Variants in GRIN1 observed in about 807,000 individuals in gnomAD.
GRIN1 encodes the protein glutamate receptor ionotropic, NMDA 1.
GRIN1 carries 38 observed loss-of-function variants against 103.0 expected under a neutral mutation model. The ratio of observed to expected loss-of-function variants is 0.37; its 90% CI spans 0.28 to 0.48. The LOEUF is 0.48. Ranked by LOEUF, GRIN1 falls within the 20% of genes least tolerant of loss-of-function variation. The pLI, the probability that GRIN1 is intolerant of heterozygous loss-of-function variation, is 0.98. For synonymous variants in GRIN1, 544 were observed against 532.7 expected, an observed-to-expected ratio of 1.02 and a Z score of -0.29; for missense variants, 577 against 1,288.9, an observed-to-expected ratio of 0.45 and a Z score of 8.46.
chr9:137,159,949 C>T (rs1292150258), intron 8 of GRIN1, among the ~76,000 whole-genome samples: 2 of 152,172 alleles, frequency 1.3e-5, no homozygotes, highest in African/African-American at 4.8e-5. Context: ...TGCCCTCAGG[C>T]ACCTGCTTGA....
intron 4 of GRIN1, among the ~76,000 whole-genome samples, chr9:137,155,719 G>T (rs1010781562): frequency 6.6e-6 from 1 of 152,204 alleles, no homozygotes; most frequent in Non-Finnish European, 1.5e-5. Flanking sequence ...AGGTCTCCAG[G>T]TCCTTGTCAT....
intron 10 of GRIN1, among the ~76,000 whole-genome samples, chr9:137,161,716 G>A (rs1226018579): frequency 6.7e-6 from 1 of 148,498 alleles, no homozygotes; most frequent in Non-Finnish European, 1.5e-5. Context: ...CGTGGAGTGG[G>A]CGGGGCCTGC....
chr9:137,167,729 G>T lies in GRIN1; in HGVS notation c.*202G>T. 1 of 1,610,354 alleles carries T rather than the reference G, an allele frequency of 6.2e-7. No individual in the cohort carries two copies. Among genetic ancestry groups the T allele is most frequent in the South Asian group, 1.1e-5 (1 of 91,020 alleles). Reference sequence around the variant, plus strand: ...CGTCCCGGCCCCGCGCGTGCCCCCAGCGTGGGGCTAACGGGCGCCTTGTCT... The same window carrying T: ...CGTCCCGGCCCCGCGCGTGCCCCCATCGTGGGGCTAACGGGCGCCTTGTCT... On this transcript the variant is annotated 3_prime_UTR_variant, in exon 20 of 20. Coordinates refer to ENST00000371561, the MANE Select transcript of GRIN1 (RefSeq NM_007327.4).
chr9:137,168,634 G>T lies in GRIN1; in HGVS notation c.*1107G>T. On this transcript the variant is annotated 3_prime_UTR_variant, in exon 20 of 20. Coordinates refer to ENST00000371561, the MANE Select transcript of GRIN1 (RefSeq NM_007327.4). ...CAGCACTCCCAGGGCCCGAGCGCGT[G>T]CCTTCCCCGTGCGGCCCGTGCGCAG... 2.9e-6 allele frequency: 1 copy of T among 342,116 alleles called. No individual in the cohort carries two copies. The highest frequency in any genetic ancestry group is 5.2e-6 in the Non-Finnish European group (1 of 193,816). 21.2% of individuals were successfully genotyped at this position (342,116 alleles called of 1,614,324 possible). A position where few individuals can be genotyped will look rare whatever the true frequency, so the allele number is the denominator to read the frequency against.
At chr9:137,144,376 C>A (rs367702689) in intron 2 of GRIN1, among the ~76,000 whole-genome samples, 9 of 146,348 alleles carry the variant, frequency 6.1e-5, no homozygotes, top group Non-Finnish European at 9.0e-5. Flanking sequence ...CCAGGTTGGC[C>A]GGGCGCGGTG....
In GRIN1 at chr9:137,156,693, C is replaced by T. The variant is rs200390848; in HGVS notation, c.696C>T (p.Tyr232=). 136 of 1,596,844 alleles carry T rather than the reference C, an allele frequency of 8.5e-5. No individual in the cohort carries two copies. The highest frequency in any genetic ancestry group is 1.1e-4 in the Non-Finnish European group (126 of 1,172,838). Residue 232 remains tyrosine (Y), a synonymous_variant, in exon 5 of 20, where the codon TAC becomes TAT. Transcript: ENST00000371561. The stretch of plus-strand genomic sequence containing the variant: ...GCGAGGACGATGCTGCCACTGTATA[C>T]CGCGCAGCCGCGATGCTGAACATGA... ...SASEDDAATV[Y]RAAAMLNMTG...
rs1232836930 is a variant in GRIN1, at chr9:137,168,337, G to A, written c.*810G>A. The A allele has an allele frequency of 5.3e-6, 1 of 187,944 alleles. No individual in the cohort carries two copies. Among genetic ancestry groups the A allele is most frequent in the Non-Finnish European group, 1.1e-5 (1 of 92,488 alleles). 11.6% of individuals were successfully genotyped at this position (187,944 alleles called of 1,614,324 possible). ...CGTCTGCCCCTTGACCCCACACGCC[G>A]GGGCTGGCCCTGCCCTCCCCCACGG... On this transcript the variant is annotated 3_prime_UTR_variant, in exon 20 of 20. Coordinates refer to ENST00000371561, the MANE Select transcript of GRIN1 (RefSeq NM_007327.4).
At chr9:137,164,922 G>A (rs1373238854) in intron 18 of GRIN1, 2 of 483,598 alleles carry the variant, frequency 4.1e-6, no homozygotes, top group South Asian at 2.0e-5. Flanking sequence ...AGGAGCCAGG[G>A]AGCCAGGCGG....
chr9:137,157,854 G>C (rs1313503873), intron 6 of GRIN1, among the ~76,000 whole-genome samples: 1 of 152,160 alleles, frequency 6.6e-6, no homozygotes, highest in African/African-American at 2.4e-5. Flanking sequence ...TCAGGCACAT[G>C]ACACACATGT....
At chr9:137,150,819 A>G (rs1461595142) in intron 4 of GRIN1, among the ~76,000 whole-genome samples, 7 of 132,146 alleles carry the variant, frequency 5.3e-5, no homozygotes, top group South Asian at 2.8e-4. Flanking sequence ...CCCCGCCCAG[A>G]AAAGACCCGC....
intron 8 of GRIN1, among the ~76,000 whole-genome samples, chr9:137,160,518 C>T (rs1030775108): frequency 6.6e-6 from 1 of 152,182 alleles, no homozygotes; most frequent in Admixed American, 6.5e-5. Context: ...CAAGCTCCGC[C>T]TCCCGGGTTC....
At position 137,139,520 on chromosome 9, in the gene GRIN1, C is replaced by T; in HGVS notation, c.34C>T (p.Leu12=). Residue 12 remains leucine, a synonymous_variant, in exon 1 of 20, where the codon CTG becomes TTG. Coordinates refer to ENST00000371561, the MANE Select transcript of GRIN1 (RefSeq NM_007327.4). This position sits in a 1 kb window ranked among gnomAD's most constrained non-coding sequence, Gnocchi z 7.7. ...STMRLLTLAL[L]FSCSVARAAC... ...CATGCGCCTGCTGACGCTCGCCCTG[C>T]TGTTCTCCTGCTCCGTCGCCCGTGC... 6.2e-7 allele frequency: 1 copy of T among 1,605,456 alleles called. No individual in the cohort carries two copies. The highest frequency in any genetic ancestry group is 1.7e-4 in the Middle Eastern group (1 of 6,040).
chr9:137,148,978 C>A (rs1411873710), intron 3 of GRIN1, 31 bp from the exon 4 acceptor site: 2 of 1,517,450 alleles, frequency 1.3e-6, no homozygotes, highest in South Asian at 1.2e-5. Context: ...CCTGCCCCAG[C>A]CGCCTGCTAA....
chr9:137,141,418 TC>T (rs1832155395), intron 1 of GRIN1, among the ~76,000 whole-genome samples: 1 of 152,138 alleles, frequency 6.6e-6, no homozygotes, highest in African/African-American at 2.4e-5. Flanking sequence ...CCCCAATGCC[TC>T]CCTTCCCTTC....
At chr9:137,144,608 T>TCGCGGCCAC (rs577341720) in intron 2 of GRIN1, among the ~76,000 whole-genome samples, 18 of 148,648 alleles carry the variant, frequency 1.2e-4, no homozygotes, top group African/African-American at 4.5e-4. Context: ...TGAGCCGAGA[T>TCGCGGCCAC]TGCACTCCAG....
chr9:137,141,855 G>T (rs1267226959), intron 1 of GRIN1, among the ~76,000 whole-genome samples, 158 bp from the exon 2 acceptor site: 4 of 152,176 alleles, frequency 2.6e-5, no homozygotes, highest in Non-Finnish European at 5.9e-5. Flanking sequence ...CTGTGGGCAT[G>T]TGTGCATCTG....
chr9:137,167,665 C>T lies in GRIN1; in HGVS notation c.*138C>T. The T allele has an allele frequency of 1.3e-6, 2 of 1,527,114 alleles. No homozygotes were observed. The highest frequency in any genetic ancestry group is 2.4e-5 in the East Asian group (1 of 40,836). 94.6% of individuals were successfully genotyped at this position (1,527,114 alleles called of 1,614,324 possible). On this transcript the variant is annotated 3_prime_UTR_variant, in exon 20 of 20. Transcript: ENST00000371561. ...CACCCCCAGCCTCCCCCAGGCTGCG[C>T]CTGCCCGCCCGCCGGTTGGCCGGCT...
chr9:137,146,163 C>T lies in GRIN1; in HGVS notation c.570+261C>T, dbSNP rs1057104785. On this transcript the variant is annotated intron_variant, in intron 3 of 19. Coordinates refer to ENST00000371561, the MANE Select transcript of GRIN1 (RefSeq NM_007327.4). The surrounding 1 kb of genome is among the most constrained non-coding windows in gnomAD (Gnocchi z 6.7). ...CCGCAAACACCCCTGCCCCGCGCTG[C>T]CGAGCGCCCTCGTCCCCTCCTCCTG... Among the ~76,000 whole-genome samples, 15 of 152,122 alleles carry T rather than the reference C, an allele frequency of 9.9e-5. No homozygotes were observed. The highest frequency in any genetic ancestry group is 1.6e-4 in the Non-Finnish European group (11 of 67,988).
In GRIN1 at chr9:137,157,029, C is replaced by T. The variant is rs1182084299; in HGVS notation, c.960C>T (p.Leu320=). The change falls in exon 6 of 20, where the codon CTC becomes CTT. Residue 320 remains leucine, a synonymous_variant. Coordinates refer to ENST00000371561, the MANE Select transcript of GRIN1 (RefSeq NM_007327.4). ...CCAACATCTGGAAGACCGGGCCGCT[C>T]TTCAAGAGGTGGGCGGGGCCTCCCC... ...GNTNIWKTGP[L]FKRVLMSSKY... is the part of the protein sequence containing the mutation. 1 of 1,573,674 alleles carries T rather than the reference C, an allele frequency of 6.4e-7. No individual in the cohort carries two copies. Among genetic ancestry groups the T allele is most frequent in the East Asian group, 2.4e-5 (1 of 42,254 alleles).
Sources: gnomAD v4.1 joint callset for allele counts (sites outside exome capture counted in the v4.1 genomes callset) on GRCh38, gnomAD v4.1.1 for gene constraint, Gnocchi (gnomAD v3.1) non-coding constraint, MANE v1.5 for transcripts, NCBI Gene and HGNC (gene_info 2026-07-23, HGNC 2026-07-21) for gene names.